PCBP3: variants seen among roughly 807,000 people sequenced by gnomAD.
PCBP3 encodes poly(rC)-binding protein 3.
A neutral mutation model predicts 52.7 loss-of-function variants in PCBP3; 25 were observed. The observed-to-expected ratio is 0.47, with a 90% CI of 0.35 to 0.66. The LOEUF (loss-of-function observed/expected upper bound fraction) is 0.66. Ranked by LOEUF, PCBP3 falls within the 30% of genes least tolerant of loss-of-function variation. PCBP3 has a pLI of 0.01. For missense variants in PCBP3, 391 were observed against 490.3 expected, an observed-to-expected ratio of 0.80 and a Z score of 1.91; for synonymous variants, 162 against 183.0, an observed-to-expected ratio of 0.89 and a Z score of 0.93.
At chr21:45,700,679 C>T (rs1569130808) in intron 2 of PCBP3, among the ~76,000 whole-genome samples, 1 of 152,104 alleles carries the variant, frequency 6.6e-6, no homozygotes. Flanking sequence ...CTCCATGTCC[C>T]GATACCAGGC....
intron 14 of PCBP3, among the ~76,000 whole-genome samples, 183 bp from the exon 15 acceptor site, chr21:45,930,602 CT>C (rs563797536): frequency 4.6e-5 from 7 of 152,254 alleles, no homozygotes; most frequent in Admixed American, 2.0e-4. Flanking sequence ...GACAACCCCC[CT>C]CTCCCCCTGG....
chr21:45,689,410 A>T (rs1317636570), intron 2 of PCBP3, among the ~76,000 whole-genome samples: 1 of 152,114 alleles, frequency 6.6e-6, no homozygotes, highest in Non-Finnish European at 1.5e-5. Context: ...AAAAAATTTT[A>T]GGAAACAAAA....
intron 2 of PCBP3, among the ~76,000 whole-genome samples, chr21:45,702,429 T>A (rs183921592): frequency 1.3e-4 from 20 of 152,332 alleles, no homozygotes; most frequent in African/African-American, 4.6e-4. Flanking sequence ...TATTGCAGGT[T>A]ATGTTCCAGA....
At chr21:45,729,507 C>A (rs1017407225) in intron 2 of PCBP3, among the ~76,000 whole-genome samples, 2 of 152,170 alleles carry the variant, frequency 1.3e-5, no homozygotes, top group African/African-American at 4.8e-5. Flanking sequence ...TTTTTCATTT[C>A]CACCAGCGAT....
At chr21:45,820,458 T>A (rs991300364) in intron 4 of PCBP3, among the ~76,000 whole-genome samples, 13 of 152,230 alleles carry the variant, frequency 8.5e-5, no homozygotes, top group Non-Finnish European at 1.9e-4. Flanking sequence ...ACAATCCTTG[T>A]GAGGGCCTGT....
rs1016886248 is a variant in PCBP3, at chr21:45,704,608, T to G, written c.-199-30784T>G. ...ATGGAGACATAAAACATTGTCTAAG[T>G]GAAGGGCAATCGTATTTGAAGTAAT... On this transcript the variant is annotated intron_variant, in intron 2 of 17. Transcript: ENST00000681687. The surrounding 1 kb of genome is among the most constrained non-coding windows in gnomAD (Gnocchi z 4.1). Among the ~76,000 whole-genome samples, 12 of 152,028 alleles carry G rather than the reference T, an allele frequency of 7.9e-5. No individual in the cohort carries two copies. Among genetic ancestry groups the G allele is most frequent in the African/African-American group, 2.4e-4 (10 of 41,374 alleles).
At chr21:45,867,425 C>T (rs890854003) in intron 5 of PCBP3, among the ~76,000 whole-genome samples, 7 of 152,230 alleles carry the variant, frequency 4.6e-5, no homozygotes, top group African/African-American at 1.2e-4. Context: ...CTGACACGGG[C>T]GTGCGGGCAG....
At position 45,830,881 on chromosome 21, in the gene PCBP3, A is replaced by C. The variant is rs2093430376; in HGVS notation, c.-125-19080A>C. On this transcript the variant is annotated intron_variant, in intron 4 of 17. Coordinates refer to ENST00000681687, the MANE Select transcript of PCBP3 (RefSeq NM_001384156.1). This position sits in a 1 kb window ranked among gnomAD's most constrained non-coding sequence, Gnocchi z 4.4. ...ATCGAGAGTGACGTAGTCACCCTCC[A>C]CCTTTGTCCCTGCTGTCTATGAAGA... 1 of 152,238 alleles carries C rather than the reference A, an allele frequency of 6.6e-6. No homozygotes were observed. The highest frequency in any genetic ancestry group is 1.5e-5 in the Non-Finnish European group (1 of 68,050). The allele number at this position is 152,238 out of a possible 1,614,324, so 9.4% of individuals were successfully genotyped here.
intron 2 of PCBP3, among the ~76,000 whole-genome samples, chr21:45,688,202 G>A (rs2082263604): frequency 6.6e-6 from 1 of 152,158 alleles, no homozygotes; most frequent in African/African-American, 2.4e-5. Flanking sequence ...TAAGAGAATA[G>A]AAGAGTTGAA....
intron 3 of PCBP3, among the ~76,000 whole-genome samples, chr21:45,738,690 T>G (rs2145933221): frequency 6.6e-6 from 1 of 152,274 alleles, no homozygotes; most frequent in East Asian, 1.9e-4. Context: ...TCCTCACCCC[T>G]TCCTGTCCAT....
chr21:45,662,271 GTTTTTTTTTTTTTTTT>G (rs59220095), intron 1 of PCBP3, among the ~76,000 whole-genome samples: 6 of 97,270 alleles, frequency 6.2e-5, no homozygotes, highest in African/African-American at 2.3e-4. Context: ...ATATACCTAA[GTTTTTTTTTTTTTTTT>G]TTTTTTTTTT....
intron 6 of PCBP3, 69 bp downstream of exon 6, chr21:45,896,431 C>T (rs113160686): frequency 9.2e-6 from 13 of 1,418,094 alleles, no homozygotes; most frequent in South Asian, 3.8e-5. Context: ...ATGCACTGCC[C>T]GGGCCATTGG....
chr21:45,819,805 G>A (rs1024572391), intron 4 of PCBP3, among the ~76,000 whole-genome samples: 1 of 152,266 alleles, frequency 6.6e-6, no homozygotes, highest in African/African-American at 2.4e-5. Flanking sequence ...TAGCAGATGG[G>A]TGTGCGGGCA....
chr21:45,730,689 A>G (rs1467818962), intron 2 of PCBP3, among the ~76,000 whole-genome samples: 4 of 152,204 alleles, frequency 2.6e-5, no homozygotes, highest in East Asian at 1.9e-4. Flanking sequence ...GGGTTGCTTT[A>G]TATATTTTTA....
At chr21:45,709,531 A>G (rs1225380874) in intron 2 of PCBP3, among the ~76,000 whole-genome samples, 1 of 151,984 alleles carries the variant, frequency 6.6e-6, no homozygotes, top group African/African-American at 2.4e-5. Flanking sequence ...TTTTCCCAAC[A>G]TGTTCAGACT....
At chr21:45,701,749 G>A (rs918692250) in intron 2 of PCBP3, among the ~76,000 whole-genome samples, 4 of 152,238 alleles carry the variant, frequency 2.6e-5, no homozygotes, top group Admixed American at 2.0e-4. Context: ...TAGTAGAGAC[G>A]AGGTTTTGCC....
At chr21:45,668,108 G>T (rs371538741) in intron 1 of PCBP3, among the ~76,000 whole-genome samples, 1 of 152,152 alleles carries the variant, frequency 6.6e-6, no homozygotes, top group East Asian at 1.9e-4. Flanking sequence ...TGTCAGCTCA[G>T]TGTGAGAGCT....
chr21:45,675,292 C>T (rs895972298), intron 2 of PCBP3, among the ~76,000 whole-genome samples: 1 of 152,176 alleles, frequency 6.6e-6, no homozygotes, highest in Non-Finnish European at 1.5e-5. Flanking sequence ...AGGTCCTGGG[C>T]TGGGCCTGTC....
intron 11 of PCBP3, 76 bp downstream of exon 11, chr21:45,911,106 AGCCCCGGTC>A: frequency 6.5e-7 from 1 of 1,538,328 alleles, no homozygotes; most frequent in South Asian, 1.1e-5. Flanking sequence ...AAGGCTTGGA[AGCCCCGGTC>A]GCCCCAAGGA....
Sources: gnomAD v4.1 joint callset for allele counts (sites outside exome capture counted in the v4.1 genomes callset) on GRCh38, gnomAD v4.1.1 for gene constraint, Gnocchi (gnomAD v3.1) non-coding constraint, MANE v1.5 for transcripts, NCBI Gene and HGNC (gene_info 2026-07-23, HGNC 2026-07-21) for gene names.